The following TMC7 variants were observed in gnomAD, a reference collection of about 807,000 sequenced individuals.
The protein encoded by TMC7 is transmembrane channel like 7.
In TMC7, 54 loss-of-function variants were observed where a neutral mutation model predicts 82.9. The observed-to-expected ratio is 0.65, with a 90% confidence interval of 0.52 to 0.82. TMC7 has a LOEUF of 0.82. Ranked by LOEUF, TMC7 falls within the 40% of genes least tolerant of loss-of-function variation. The pLI is 0.00. For missense variants in TMC7, 820 were observed against 901.2 expected (o/e 0.91, Z 1.15); for synonymous variants, 350 against 337.9 (o/e 1.04, Z -0.39).
At chr16:19,025,885 A>C (rs1158714674) in intron 5 of TMC7, among the ~76,000 whole-genome samples, 4 of 151,694 alleles carry the variant, frequency 2.6e-5, no homozygotes, top group Non-Finnish European at 1.5e-5. Flanking sequence ...CCTCCGAAGT[A>C]GCTGGGACTA....
At chr16:18,985,152 T>C (rs1257742603) in intron 1 of TMC7, among the ~76,000 whole-genome samples, 2 of 151,094 alleles carry the variant, frequency 1.3e-5, no homozygotes, top group Non-Finnish European at 2.9e-5. Context: ...CCCAGCTACT[T>C]GGGAGGCTGA....
At chr16:19,042,664 C>CAGAT (rs1555518708) in intron 9 of TMC7, among the ~76,000 whole-genome samples, 4 of 148,168 alleles carry the variant, frequency 2.7e-5, no homozygotes, top group Non-Finnish European at 5.9e-5. Flanking sequence ...CCCGGCACCA[C>CAGAT]GCCCGGCTAA....
At chr16:19,041,264 C>T (rs950153259) in intron 9 of TMC7, among the ~76,000 whole-genome samples, 9 of 152,016 alleles carry the variant, frequency 5.9e-5, no homozygotes, top group Non-Finnish European at 1.2e-4. Flanking sequence ...TTCAGTCATT[C>T]CCAGCATTTT....
At chr16:18,986,070 T>G (rs2038842791) in intron 1 of TMC7, among the ~76,000 whole-genome samples, 1 of 150,602 alleles carries the variant, frequency 6.6e-6, no homozygotes. Flanking sequence ...TTCTAAATGA[T>G]AAAACAGATC....
chr16:19,056,844 G>T (rs1400161200), intron 14 of TMC7, 147 bp downstream of exon 14: 2 of 935,742 alleles, frequency 2.1e-6, no homozygotes, highest in Non-Finnish European at 3.1e-6. Flanking sequence ...GGCATAATAG[G>T]CCAGGCGCGG....
At position 19,048,509 on chromosome 16, in the gene TMC7, C is replaced by A. The variant is rs76331065; in HGVS notation, c.1740+1260C>A. Reference sequence around the variant, plus strand: ...TGATCTTGACTCACGGCAACCTCCACCTCCCGGGTTCAAGTGACTCTCCTG... The same window carrying A: ...TGATCTTGACTCACGGCAACCTCCAACTCCCGGGTTCAAGTGACTCTCCTG... On this transcript the variant is annotated intron_variant, in intron 12 of 15. Transcript: ENST00000304381. 8.5e-5 allele frequency among the ~76,000 whole-genome samples: 13 copies of A among 152,266 alleles called. 1 individual carries two copies. In the East Asian group the frequency reaches 2.5e-3, roughly 29 times the overall value.
At chr16:18,986,927 C>T (rs942028442) in intron 1 of TMC7, among the ~76,000 whole-genome samples, 25 of 151,978 alleles carry the variant, frequency 1.6e-4, no homozygotes, top group African/African-American at 5.8e-4. Flanking sequence ...GCCTCAGCCT[C>T]CCGAGTAGCT....
intron 3 of TMC7, among the ~76,000 whole-genome samples, chr16:19,020,119 A>G (rs554866596): frequency 1.8e-4 from 27 of 152,354 alleles, no homozygotes; most frequent in Non-Finnish European, 3.5e-4. Context: ...ATCCCAACAG[A>G]TGCAGAAAAA....
In TMC7 at chr16:19,040,295, G is replaced by A. The variant is rs749839774; in HGVS notation, c.1186G>A (p.Asp396Asn). The change falls in exon 9 of 16, where the codon GAC becomes AAC. Residue 396 changes from aspartate to asparagine, a missense_variant. Physicochemically the swap from Asp to Asn is conservative, Grantham distance 23 (BLOSUM62 1). This residue lies in a region of TMC7 where 650 missense variants were observed against 669.9 expected (regional missense o/e 0.97). Coordinates refer to ENST00000304381, the MANE Select transcript of TMC7 (RefSeq NM_024847.4). ...AGTTTTGTTATCCTCCTAGGAAATC[G>A]ACAAGATGGTTTTTGGAGAGAACCT... ...FSQEHMKKEI[D>N]KMVFGENLFI... is the part of the protein sequence containing the mutation. 2.8e-5 allele frequency: 45 copies of A among 1,612,774 alleles called. No individual in the cohort carries two copies. The highest frequency in any genetic ancestry group is 3.6e-5 in the Non-Finnish European group (43 of 1,179,682).
chr16:19,054,348 C>G (rs1961671365), intron 13 of TMC7, among the ~76,000 whole-genome samples: 2 of 152,036 alleles, frequency 1.3e-5, no homozygotes, highest in Non-Finnish European at 2.9e-5. Context: ...CCCTCAGGAC[C>G]TTTGGGGAAC....
intron 9 of TMC7, among the ~76,000 whole-genome samples, chr16:19,041,294 A>G (rs1961002261): frequency 6.6e-6 from 1 of 152,102 alleles, no homozygotes; most frequent in East Asian, 1.9e-4. Flanking sequence ...GTTTCCATCC[A>G]TTCCCTCCTA....
intron 6 of TMC7, among the ~76,000 whole-genome samples, 156 bp from the exon 7 acceptor site, chr16:19,035,520 C>A (rs992131956): frequency 6.6e-6 from 1 of 152,222 alleles, no homozygotes; most frequent in African/African-American, 2.4e-5. Flanking sequence ...ACCTTGTTAG[C>A]TGCCACATAT....
chr16:19,051,391 A>AT, intron 12 of TMC7, among the ~76,000 whole-genome samples: 1 of 141,784 alleles, frequency 7.1e-6, no homozygotes. Flanking sequence ...TCCTAATGCT[A>AT]TCCCTCCCCC....
At chr16:19,011,987 C>G (rs953607720) in intron 2 of TMC7, among the ~76,000 whole-genome samples, 7 of 151,904 alleles carry the variant, frequency 4.6e-5, no homozygotes, top group Non-Finnish European at 8.8e-5. Flanking sequence ...ACTAAAATTA[C>G]AAAATTTAGC....
At chr16:18,987,539 C>G (rs1246719796) in intron 1 of TMC7, among the ~76,000 whole-genome samples, 4 of 151,676 alleles carry the variant, frequency 2.6e-5, no homozygotes, top group Non-Finnish European at 4.4e-5. Context: ...CTCCTGACAT[C>G]AAGTGATCCG....
At position 19,058,849 on chromosome 16, in the gene TMC7, T is replaced by C. The variant is rs920048690; in HGVS notation, c.2028-567T>C. Reference sequence around the variant, plus strand: ...TCCTGAGTAGCTGGGGACTACAGGCTCACGCCACCATGTCTGGCTAATTTT... The same window carrying C: ...TCCTGAGTAGCTGGGGACTACAGGCCCACGCCACCATGTCTGGCTAATTTT... On this transcript the variant is annotated intron_variant, in intron 14 of 15. Coordinates refer to ENST00000304381, the MANE Select transcript of TMC7 (RefSeq NM_024847.4). Among the ~76,000 whole-genome samples the C allele has an allele frequency of 3.3e-5, 5 of 152,056 alleles. No homozygotes were observed. The East Asian group carries it at 9.6e-4, about 29-fold the overall frequency.
intron 2 of TMC7, among the ~76,000 whole-genome samples, chr16:19,015,048 C>T (rs372482864): frequency 1.3e-5 from 2 of 152,004 alleles, no homozygotes; most frequent in African/African-American, 4.8e-5. Flanking sequence ...ACTGCAACCT[C>T]CGCCTTCCGG....
At chr16:19,000,845 C>T (rs1204959178) in intron 1 of TMC7, among the ~76,000 whole-genome samples, 1 of 151,990 alleles carries the variant, frequency 6.6e-6, no homozygotes, top group Non-Finnish European at 1.5e-5. Context: ...ATGGTAAAAC[C>T]CCATCTCTAC....
At chr16:18,991,566 CTTTT>C (rs1394894885) in intron 1 of TMC7, among the ~76,000 whole-genome samples, 1 of 152,000 alleles carries the variant, frequency 6.6e-6, no homozygotes, top group Non-Finnish European at 1.5e-5. Context: ...GCAATTGTTT[CTTTT>C]TTATTTATTT....
Sources: gnomAD v4.1 joint callset for allele counts (sites outside exome capture counted in the v4.1 genomes callset) on GRCh38, gnomAD v4.1.1 for gene constraint, gnomAD v4.1.1 regional missense constraint, MANE v1.5 for transcripts, NCBI Gene and HGNC (gene_info 2026-07-23, HGNC 2026-07-21) for gene names.